GALNT5: variants seen among roughly 807,000 people sequenced by gnomAD.
The protein encoded by GALNT5 is polypeptide N-acetylgalactosaminyltransferase 5.
In GALNT5, 72 loss-of-function variants were observed where a neutral mutation model predicts 85.4. The ratio of observed to expected loss-of-function variants is 0.84; its 90% confidence interval spans 0.70 to 1.03. The LOEUF (loss-of-function observed/expected upper bound fraction) is 1.03. Ranked by LOEUF, GALNT5 falls within the 50% of genes least tolerant of loss-of-function variation. The probability of loss-of-function intolerance (pLI) is 0.00; values close to 1 mark genes in which losing one functional copy is unlikely to be tolerated. For synonymous variants in GALNT5, 404 were observed against 397.0 expected, an observed-to-expected ratio of 1.02 and a Z score of -0.21; for missense variants, 1,137 against 1,135.5, an observed-to-expected ratio of 1.00 and a Z score of -0.02.
intron 5 of GALNT5, 100 bp downstream of exon 5, chr2:157,296,613 C>T (rs1395860023): frequency 1.2e-6 from 1 of 846,238 alleles, no homozygotes; most frequent in Non-Finnish European, 1.9e-6. Flanking sequence ...TTCTATAGAA[C>T]ATTAAGAATC....
Position 157,284,432 on chromosome 2 carries a change from T to C in GALNT5, c.1605T>C (p.Asp535=), listed in dbSNP as rs148501546. 1 of 1,613,716 alleles carries C rather than the reference T, an allele frequency of 6.2e-7. No homozygotes were observed. Among genetic ancestry groups the C allele is most frequent in the Non-Finnish European group, 8.5e-7 (1 of 1,179,778 alleles). Reference sequence around the variant, plus strand: ...TCATCAAGGAGATTCTGCTGGTAGATGACTTCAGCACCAAAGGTAAGAAAA... The same window carrying C: ...TCATCAAGGAGATTCTGCTGGTAGACGACTTCAGCACCAAAGGTAAGAAAA... The part of the protein sequence containing the change: ...PHLIKEILLV[D]DFSTKDYLKD... The change falls in exon 2 of 10, where the codon GAT becomes GAC. Residue 535 remains aspartate (D), a synonymous_variant. Coordinates refer to ENST00000259056, the MANE Select transcript of GALNT5 (RefSeq NM_014568.3).
intron 1 of GALNT5, among the ~76,000 whole-genome samples, chr2:157,279,818 G>C (rs1386906322): frequency 2.0e-5 from 3 of 152,210 alleles, no homozygotes; most frequent in Admixed American, 2.0e-4. Context: ...CCCTCTGTGG[G>C]CTGCACCCAC....
rs577019749 is a variant in GALNT5, at chr2:157,283,355, G to A, written c.1455-927G>A. 2.6e-5 allele frequency among the ~76,000 whole-genome samples: 4 copies of A among 152,314 alleles called. No individual in the cohort carries two copies. In the East Asian group the frequency reaches 7.7e-4, roughly 29 times the overall value. ...TGAGGTTCCACTGGGCACTGCTTAT[G>A]AAGAGTGGCACAGGCAGGGGGTGAA... On this transcript the variant is annotated intron_variant, in intron 1 of 9. Transcript: ENST00000259056.
rs1682274823 is a variant in GALNT5, at chr2:157,259,132, A to G, written c.1050A>G (p.Val350=). ...NSKTKTIFPK[V]LGKSQSKHIS... is the part of the protein sequence containing the mutation. ...AAACCAAAACAATATTTCCTAAAGT[A>G]TTGGGTAAAAGCCAAAGTAAACACA... The change falls in exon 1 of 10, where the codon GTA becomes GTG. Residue 350 remains valine (V), a synonymous_variant. Transcript: ENST00000259056. 3 of 1,484,960 alleles carry G rather than the reference A, an allele frequency of 2.0e-6. No individual in the cohort carries two copies. The South Asian group carries it at 4.6e-5, about 23-fold the overall frequency. 92.0% of individuals were successfully genotyped at this position (1,484,960 alleles called of 1,614,324 possible).
chr2:157,296,619 G>C, intron 5 of GALNT5, 106 bp downstream of exon 5: 1 of 821,406 alleles, frequency 1.2e-6, no homozygotes, highest in East Asian at 2.7e-5. Context: ...AGAACATTAA[G>C]AATCACAGTT....
chr2:157,276,512 G>A (rs998013812), intron 1 of GALNT5, among the ~76,000 whole-genome samples: 1 of 152,076 alleles, frequency 6.6e-6, no homozygotes, highest in Non-Finnish European at 1.5e-5. Context: ...GCCTGTTATT[G>A]GTCTATTCAG....
At chr2:157,305,371 A>G (rs2105167701) in intron 7 of GALNT5, among the ~76,000 whole-genome samples, 1 of 152,336 alleles carries the variant, frequency 6.6e-6, no homozygotes, top group Middle Eastern at 3.4e-3. Flanking sequence ...CAGGGAACAT[A>G]GCTCATAACT....
intron 3 of GALNT5, 111 bp downstream of exon 3, chr2:157,286,245 A>G: frequency 1.3e-6 from 1 of 781,352 alleles, no homozygotes; most frequent in South Asian, 1.8e-5. Context: ...TATATGCATC[A>G]CTTAGTTCCA....
intron 8 of GALNT5, among the ~76,000 whole-genome samples, chr2:157,307,656 G>T (rs974009845): frequency 6.6e-6 from 1 of 152,096 alleles, no homozygotes; most frequent in African/African-American, 2.4e-5. Flanking sequence ...CCTTCCAATG[G>T]CAAGGTCCAA....
chr2:157,299,986 T>C (rs1252781923), intron 6 of GALNT5, among the ~76,000 whole-genome samples: 1 of 152,204 alleles, frequency 6.6e-6, no homozygotes, highest in Non-Finnish European at 1.5e-5. Flanking sequence ...AACATCTGTC[T>C]AGAATGTTGG....
intron 1 of GALNT5, among the ~76,000 whole-genome samples, chr2:157,268,454 C>A (rs1682507316): frequency 6.6e-6 from 1 of 152,222 alleles, no homozygotes; most frequent in Non-Finnish European, 1.5e-5. Context: ...TAGGTTCTCA[C>A]ATGAGTTTTT....
At chr2:157,308,505 T>G in intron 8 of GALNT5, 62 bp from the exon 9 acceptor site, 1 of 1,302,170 alleles carries the variant, frequency 7.7e-7, no homozygotes, top group South Asian at 1.4e-5. Flanking sequence ...ACAAAAATGT[T>G]TGACAAAGCC....
intron 1 of GALNT5, among the ~76,000 whole-genome samples, chr2:157,263,671 A>G (rs1367961515): frequency 6.6e-6 from 1 of 152,382 alleles, no homozygotes; most frequent in East Asian, 1.9e-4. Context: ...AGGTTTACAC[A>G]GTATGAATTT....
chr2:157,310,553 T>A (rs1683547862), intron 9 of GALNT5, among the ~76,000 whole-genome samples: 2 of 152,188 alleles, frequency 1.3e-5, no homozygotes, highest in Non-Finnish European at 2.9e-5. Context: ...ATTAAGATTG[T>A]CTTTGTCATA....
intron 1 of GALNT5, among the ~76,000 whole-genome samples, chr2:157,272,978 T>C (rs1208953253): frequency 6.6e-6 from 1 of 152,244 alleles, no homozygotes; most frequent in Non-Finnish European, 1.5e-5. Context: ...ACTACATTCC[T>C]ACCGACAGTA....
At position 157,308,421 on chromosome 2, in the gene GALNT5, G is replaced by C. The variant is rs1574037103; in HGVS notation, c.2521-146G>C. 5 of 654,556 alleles carry C rather than the reference G, an allele frequency of 7.6e-6. No individual in the cohort carries two copies. The East Asian group carries it at 1.0e-4, about 14-fold the overall frequency. The allele number at this position is 654,556 out of a possible 1,614,324, so 40.5% of individuals were successfully genotyped here. A position where few individuals can be genotyped will look rare whatever the true frequency, so the allele number is the denominator to read the frequency against. ...GGTAAATAATATGCCCATACTATCA[G>C]AATTACAAATGATAATACCAGGACT... On this transcript the variant is annotated intron_variant, in intron 8 of 9. Coordinates refer to ENST00000259056, the MANE Select transcript of GALNT5 (RefSeq NM_014568.3).
intron 1 of GALNT5, among the ~76,000 whole-genome samples, chr2:157,278,144 T>C (rs1053708598): frequency 1.1e-4 from 16 of 152,226 alleles, no homozygotes; most frequent in African/African-American, 3.9e-4. Context: ...ATGTTGAATT[T>C]TGGCCCTCAC....
intron 8 of GALNT5, among the ~76,000 whole-genome samples, chr2:157,308,346 A>C (rs576222210): frequency 6.6e-6 from 1 of 152,364 alleles, no homozygotes; most frequent in Non-Finnish European, 1.5e-5. Context: ...TCTGAGATAG[A>C]TACAATCGCT....
At chr2:157,301,518 G>T (rs1228494850) in intron 7 of GALNT5, 1 of 165,002 alleles carries the variant, frequency 6.1e-6, no homozygotes, top group Non-Finnish European at 1.3e-5. Context: ...TAAAGGTCAC[G>T]TAAAGCCCTA....
Sources: allele counts gnomAD v4.1 joint callset (sites outside exome capture counted in the v4.1 genomes callset), GRCh38; gene constraint gnomAD v4.1.1; transcripts MANE v1.5; gene names NCBI Gene and HGNC (gene_info 2026-07-23, HGNC 2026-07-21).